Variants in EVC observed in about 807,000 individuals in gnomAD.
The protein encoded by EVC is evC complex member EVC.
In EVC, 116 loss-of-function variants were observed where a neutral mutation model predicts 118.9. The ratio of observed to expected loss-of-function variants is 0.98; its 90% confidence interval spans 0.84 to 1.14. EVC has a LOEUF of 1.14. EVC is among the 50% of genes most tolerant of loss of function. EVC has a pLI of 0.00. For synonymous variants in EVC, 619 were observed against 534.7 expected (o/e 1.16, Z -2.18); for missense variants, 1,401 against 1,246.4 (o/e 1.12, Z -1.87).
chr4:5,728,712 A>G (rs1726268033), intron 2 of EVC, among the ~76,000 whole-genome samples: 1 of 152,188 alleles, frequency 6.6e-6, no homozygotes, highest in Non-Finnish European at 1.5e-5. Context: ...CTTTTGTTTA[A>G]GGGTCTAATC....
At chr4:5,817,330 G>T (rs1240214983), downstream of EVC, among the ~76,000 whole-genome samples, 2 of 152,200 alleles carry the variant, frequency 1.3e-5, no homozygotes, top group African/African-American at 4.8e-5. Context: ...CCGTCTGATA[G>T]GGAAAGACTT....
chr4:5,748,954 T>G (rs1729927491), intron 8 of EVC, among the ~76,000 whole-genome samples: 1 of 146,048 alleles, frequency 6.8e-6, no homozygotes, highest in African/African-American at 2.5e-5. Context: ...TCCCAGAGTT[T>G]CTGACTTAAT....
chr4:5,783,093 T>C (rs1735872255), intron 11 of EVC, among the ~76,000 whole-genome samples: 1 of 151,984 alleles, frequency 6.6e-6, no homozygotes, highest in Non-Finnish European at 1.5e-5. Context: ...TGTGTGCGTG[T>C]GTGTGTGTGT....
rs1022515910 is a variant in EVC, at chr4:5,731,932, G to A, written c.617+275G>A. Among the ~76,000 whole-genome samples the A allele has an allele frequency of 2.0e-5, 3 of 146,524 alleles. No individual in the cohort carries two copies. The highest frequency in any genetic ancestry group is 1.6e-5 in the Non-Finnish European group (1 of 64,472). ...CACTGGCGTGCTCCCAGCTACTGGC[G>A]AAGTTGATTAAGTGGGTACTTCTGA... is the stretch of plus-strand genomic sequence containing the variant. On this transcript the variant is annotated intron_variant, in intron 4 of 20. Coordinates refer to ENST00000264956, the MANE Select transcript of EVC (RefSeq NM_153717.3). The surrounding 1 kb of genome is among the most constrained non-coding windows in gnomAD (Gnocchi z 5.6).
At chr4:5,819,887 A>G in the EVC span, among the ~76,000 whole-genome samples, 22 of 152,050 alleles carry the variant, frequency 1.4e-4, no homozygotes, top group Admixed American at 7.2e-4. Flanking sequence ...ACTTCTTTCA[A>G]CCTTGACAAA....
In EVC at chr4:5,711,253, A is replaced by T. The variant is rs2151765747; in HGVS notation, c.-128A>T. ...AGAAGCAGGAGTCGGGAGACTGCAC[A>T]GGCCAGAAAGTCTGCGGAGCGGGCC... is the stretch of plus-strand genomic sequence containing the variant. On this transcript the variant is annotated 5_prime_UTR_variant, in exon 1 of 21. Coordinates refer to ENST00000264956, the MANE Select transcript of EVC (RefSeq NM_153717.3). 1.8e-6 allele frequency: 1 copy of T among 546,504 alleles called. No individual in the cohort carries two copies. Among genetic ancestry groups the T allele is most frequent in the Non-Finnish European group, 2.3e-6 (1 of 428,038 alleles). The allele number at this position is 546,504 out of a possible 1,614,324, so 33.9% of individuals were successfully genotyped here.
chr4:5,777,645 C>T (rs967841050), intron 11 of EVC, among the ~76,000 whole-genome samples: 1 of 152,044 alleles, frequency 6.6e-6, no homozygotes, highest in Non-Finnish European at 1.5e-5. Flanking sequence ...TTTCATTCAC[C>T]CCTAGTGAAA....
intron 15 of EVC, chr4:5,801,735 T>C: frequency 1.8e-6 from 1 of 548,858 alleles, no homozygotes; most frequent in South Asian, 2.2e-5. Flanking sequence ...TAACATCGCA[T>C]TTCATTGGCT....
At chr4:5,724,083 G>A (rs1288872036) in intron 2 of EVC, among the ~76,000 whole-genome samples, 1 of 152,232 alleles carries the variant, frequency 6.6e-6, no homozygotes, top group African/African-American at 2.4e-5. Context: ...CTGATCCTCA[G>A]TTCGCAGCAC....
At chr4:5,751,936 T>TG (rs1323622158) in intron 8 of EVC, among the ~76,000 whole-genome samples, 1 of 152,148 alleles carries the variant, frequency 6.6e-6, no homozygotes, top group Non-Finnish European at 1.5e-5. Context: ...GCACCATGCC[T>TG]GGGGTGCTGG....
At chr4:5,715,039 C>G (rs1224427300) in intron 1 of EVC, among the ~76,000 whole-genome samples, 1 of 151,790 alleles carries the variant, frequency 6.6e-6, no homozygotes, top group Non-Finnish European at 1.5e-5. Flanking sequence ...GTCTCAAACT[C>G]CTGGGCTCAA....
At chr4:5,774,537 CT>C (rs1363909741) in intron 11 of EVC, among the ~76,000 whole-genome samples, 1 of 152,040 alleles carries the variant, frequency 6.6e-6, no homozygotes, top group East Asian at 1.9e-4. Context: ...GTTAAGGAAG[CT>C]TTGTAAAGCT....
chr4:5,776,009 T>C lies in EVC; in HGVS notation c.1564-7543T>C, dbSNP rs557525096. On this transcript the variant is annotated intron_variant, in intron 11 of 20. Transcript: ENST00000264956. ...GTGGTTTCTACCATTAGCTATAATATGTAATATAGCTGTTGTTTTTTTTTA... is the reference window on the plus strand; with the variant it reads ...GTGGTTTCTACCATTAGCTATAATACGTAATATAGCTGTTGTTTTTTTTTA... Among the ~76,000 whole-genome samples, 9 of 152,266 alleles carry C rather than the reference T, an allele frequency of 5.9e-5. No individual in the cohort carries two copies. The South Asian group carries it at 8.3e-4, about 14-fold the overall frequency.
chr4:5,752,563 G>A lies in EVC; in HGVS notation c.1099-273G>A. On this transcript the variant is annotated intron_variant, in intron 8 of 20. Transcript: ENST00000264956. ...TAAATCTGGATTCCCTCCTAGGAGG[G>A]TGGCCCTCTGGGGAGCGCTACTGGT... 5.4e-6 allele frequency: 3 copies of A among 551,600 alleles called. No individual in the cohort carries two copies. In the Admixed American group the frequency reaches 9.3e-5, roughly 17 times the overall value. 34.2% of individuals were successfully genotyped at this position (551,600 alleles called of 1,614,324 possible). A position where few individuals can be genotyped will look rare whatever the true frequency, so the allele number is the denominator to read the frequency against.
intron 11 of EVC, among the ~76,000 whole-genome samples, chr4:5,757,408 G>A (rs1046339689): frequency 6.6e-6 from 1 of 152,226 alleles, no homozygotes; most frequent in East Asian, 1.9e-4. Context: ...CTCCTCACCC[G>A]GATGGGAGCT....
At position 5,752,898 on chromosome 4, in the gene EVC, G is replaced by C; in HGVS notation, c.1161G>C (p.Leu387=). 1.9e-6 allele frequency: 3 copies of C among 1,614,234 alleles called. No individual in the cohort carries two copies. The highest frequency in any genetic ancestry group is 2.5e-6 in the Non-Finnish European group (3 of 1,180,034). ...CAAAAGTGATTGAGTTTCTGAAGCT[G>C]CAAGTCCAGGAGGAGACCAGGTGCC... ...HMAKVIEFLK[L]QVQEETRCRL... Residue 387 remains leucine, a synonymous_variant, in exon 9 of 21, where the codon CTG becomes CTC. Transcript: ENST00000264956.
At chr4:5,794,745 T>C (rs1466031107) in intron 13 of EVC, among the ~76,000 whole-genome samples, 5 of 152,154 alleles carry the variant, frequency 3.3e-5, no homozygotes, top group Admixed American at 6.6e-5. Context: ...ATTTTTTAGT[T>C]TTATTTTTCA....
chr4:5,780,796 C>A (rs1263356333), intron 11 of EVC, among the ~76,000 whole-genome samples: 1 of 152,138 alleles, frequency 6.6e-6, no homozygotes, highest in East Asian at 1.9e-4. Context: ...TGGACTCAGC[C>A]TATAGTTGTA....
intron 12 of EVC, 122 bp downstream of exon 12, chr4:5,783,886 T>C (rs1223564546): frequency 2.2e-6 from 2 of 925,044 alleles, no homozygotes; most frequent in African/African-American, 1.6e-5. Flanking sequence ...CGGAGATGAC[T>C]GTTGCCTCCC....
Sources: gnomAD v4.1 joint callset for allele counts (sites outside exome capture counted in the v4.1 genomes callset) on GRCh38, gnomAD v4.1.1 for gene constraint, Gnocchi (gnomAD v3.1) non-coding constraint, MANE v1.5 for transcripts, NCBI Gene and HGNC (gene_info 2026-07-23, HGNC 2026-07-21) for gene names.